Variants in GRAMD2A observed in about 807,000 individuals in gnomAD.
GRAMD2A encodes GRAM domain containing 2A.
GRAMD2A carries 37 observed loss-of-function variants against 51.1 expected under a neutral mutation model. The observed-to-expected ratio is 0.72, with a 90% confidence interval of 0.56 to 0.95. The LOEUF is 0.95. GRAMD2A is among the 40% of genes least tolerant of loss of function. The pLI, the probability that GRAMD2A is intolerant of heterozygous loss-of-function variation, is 0.00. For missense variants in GRAMD2A, 414 were observed against 426.9 expected, an observed-to-expected ratio of 0.97 and a Z score of 0.27; for synonymous variants, 136 against 157.1, an observed-to-expected ratio of 0.87 and a Z score of 1.01.
intron 1 of GRAMD2A, among the ~76,000 whole-genome samples, chr15:72,185,204 T>G (rs566020814): frequency 1.3e-5 from 2 of 151,508 alleles, no homozygotes; most frequent in East Asian, 1.9e-4. Context: ...TTTTTTTTTT[T>G]TTTTTTTGAG....
chr15:72,166,495 G>T lies in GRAMD2A; in HGVS notation c.543+137C>A. ...CCAAGTACTGTCTCTTGTACATTGA[G>T]CCTGAGCCTTTAACTCCCCTCTCCC... On this transcript the variant is annotated intron_variant, in intron 7 of 11. Coordinates refer to ENST00000309731, the MANE Select transcript of GRAMD2A (RefSeq NM_001012642.3). This position sits in a 1 kb window ranked among gnomAD's most constrained non-coding sequence, Gnocchi z 4.1. 1 of 686,058 alleles carries T rather than the reference G, an allele frequency of 1.5e-6. No individual in the cohort carries two copies. Among genetic ancestry groups the T allele is most frequent in the South Asian group, 1.6e-5 (1 of 61,462 alleles). The allele number at this position is 686,058 out of a possible 1,614,324, so 42.5% of individuals were successfully genotyped here.
intron 1 of GRAMD2A, among the ~76,000 whole-genome samples, chr15:72,186,323 A>G (rs34658339): frequency 0.013 from 2,042 of 151,318 alleles, 22 homozygotes; most frequent in East Asian, 0.028. Flanking sequence ...TTATTTATTT[A>G]TTTAATTTTT....
Position 72,161,306 on chromosome 15 carries a change from G to C in GRAMD2A, c.*703C>G, listed in dbSNP as rs1030918700. 6.6e-6 allele frequency: 1 copy of C among 152,648 alleles called. No individual in the cohort carries two copies. Among genetic ancestry groups the C allele is most frequent in the Non-Finnish European group, 1.5e-5 (1 of 68,400 alleles). 9.5% of individuals were successfully genotyped at this position (152,648 alleles called of 1,614,324 possible). A position where few individuals can be genotyped will look rare whatever the true frequency, so the allele number is the denominator to read the frequency against. ...AATTCAGGTACCTCTGTTCTTCACAGCCACTGCCACCATCTCCGCCGTGGG... is the reference window on the plus strand; with the variant it reads ...AATTCAGGTACCTCTGTTCTTCACACCCACTGCCACCATCTCCGCCGTGGG... On this transcript the variant is annotated 3_prime_UTR_variant, in exon 12 of 12. Transcript: ENST00000309731.
Position 72,165,478 on chromosome 15 carries a change from T to A in GRAMD2A, c.544-68A>T. On this transcript the variant is annotated intron_variant, in intron 7 of 11. Transcript: ENST00000309731. ...AGGCAAGGTCAGGCAGGGGGAAGCA[T>A]CAGCCCTCTCCAAGAGAGCTTTACC... The A allele has an allele frequency of 2.3e-5, 34 of 1,459,168 alleles. 1 individual carries two copies. The highest frequency in any genetic ancestry group is 3.3e-5 in the Non-Finnish European group (34 of 1,039,748). The allele number at this position is 1,459,168 out of a possible 1,614,324, so 90.4% of individuals were successfully genotyped here. A position where few individuals can be genotyped will look rare whatever the true frequency, so the allele number is the denominator to read the frequency against.
intron 1 of GRAMD2A, among the ~76,000 whole-genome samples, chr15:72,172,418 CTTT>C (rs775170780): frequency 3.3e-4 from 46 of 138,040 alleles, no homozygotes; most frequent in African/African-American, 1.1e-3. Context: ...CATGCCTAGC[CTTT>C]TTTTTTTTTT....
intron 10 of GRAMD2A, chr15:72,163,024 G>T: frequency 2.1e-6 from 1 of 477,418 alleles, no homozygotes; most frequent in Middle Eastern, 5.5e-4. Flanking sequence ...TCCATATCCT[G>T]CCCCTCTCCA....
rs372383036 is a variant in GRAMD2A, at chr15:72,169,026, A to C, written c.135-30T>G. On this transcript the variant is annotated intron_variant, in intron 2 of 11. Transcript: ENST00000309731. ...AAAGGAGACATTCCATTTCGGGAAC[A>C]AGGAACCCCAGTCCTGCCCATGCAT... 7.1e-4 allele frequency: 1,148 copies of C among 1,607,580 alleles called. 1 individual carries two copies. The highest frequency in any genetic ancestry group is 8.9e-4 in the Non-Finnish European group (1,050 of 1,174,332).
intron 1 of GRAMD2A, among the ~76,000 whole-genome samples, chr15:72,196,583 C>G (rs1419405802): frequency 3.3e-5 from 5 of 152,030 alleles, no homozygotes; most frequent in Non-Finnish European, 7.4e-5. Flanking sequence ...TAGACACCCT[C>G]TATTCTACCT....
chr15:72,185,194 T>TG (rs71133961), intron 1 of GRAMD2A, among the ~76,000 whole-genome samples: 5,864 of 141,616 alleles, frequency 0.041, 232 homozygotes, highest in Non-Finnish European at 0.058. Flanking sequence ...TTCCAGTTTT[T>TG]TTTTTTTTTT....
At position 72,166,941 on chromosome 15, in the gene GRAMD2A, G is replaced by C. The variant is rs1283631601; in HGVS notation, c.471+53C>G. The C allele has an allele frequency of 1.7e-5, 24 of 1,415,238 alleles. No homozygotes were observed. Among genetic ancestry groups the C allele is most frequent in the Non-Finnish European group, 2.2e-5 (22 of 999,310 alleles). 87.7% of individuals were successfully genotyped at this position (1,415,238 alleles called of 1,614,324 possible). On this transcript the variant is annotated intron_variant, in intron 6 of 11. Coordinates refer to ENST00000309731, the MANE Select transcript of GRAMD2A (RefSeq NM_001012642.3). The surrounding 1 kb of genome is among the most constrained non-coding windows in gnomAD (Gnocchi z 4.1). ...ATGTGCCCGAGTCAGACTGTGGGCT[G>C]TCAGGGCTGGGAGCGGGAGACTGAC...
chr15:72,185,718 T>C (rs934302048), intron 1 of GRAMD2A, among the ~76,000 whole-genome samples: 9 of 152,168 alleles, frequency 5.9e-5, no homozygotes, highest in Non-Finnish European at 1.0e-4. Flanking sequence ...CAATGGAGCA[T>C]AAGACAGTCC....
intron 1 of GRAMD2A, among the ~76,000 whole-genome samples, chr15:72,185,102 G>C (rs1044054258): frequency 3.3e-5 from 5 of 151,370 alleles, no homozygotes; most frequent in Admixed American, 3.3e-4. Context: ...AAAATCAATC[G>C]TTTTCCTGTA....
At chr15:72,171,340 A>G (rs1357409640) in intron 1 of GRAMD2A, among the ~76,000 whole-genome samples, 8 of 152,130 alleles carry the variant, frequency 5.3e-5, no homozygotes, top group Admixed American at 5.2e-4. Flanking sequence ...AATATATATA[A>G]GATCAAAATC....
At chr15:72,191,930 T>C (rs1054210774) in intron 1 of GRAMD2A, among the ~76,000 whole-genome samples, 3 of 152,240 alleles carry the variant, frequency 2.0e-5, no homozygotes, top group African/African-American at 7.2e-5. Flanking sequence ...TAAACTTCAT[T>C]TGAATCCTTA....
At chr15:72,177,110 CCTCGGCTTTCTAAAGTG>C (rs1485593793) in intron 1 of GRAMD2A, among the ~76,000 whole-genome samples, 1 of 151,772 alleles carries the variant, frequency 6.6e-6, no homozygotes, top group African/African-American at 2.4e-5. Context: ...AATTCTCCCA[CCTCGGCTTTCTAAAGTG>C]CTCGGATTAC....
rs1050268693 is a variant in GRAMD2A at position 72,170,276 on chromosome 15, G to C, written c.42-337C>G. ...AGGCCTCTAGCCCCACCCTTGAGGA[G>C]GCACACTGAGAGGGAGGACCCTGAG... On this transcript the variant is annotated intron_variant, in intron 1 of 11. Transcript: ENST00000309731. The surrounding 1 kb of genome is among the most constrained non-coding windows in gnomAD (Gnocchi z 4.5). 2 of 504,822 alleles carry C rather than the reference G, an allele frequency of 4.0e-6. No homozygotes were observed. Among genetic ancestry groups the C allele is most frequent in the Middle Eastern group, 3.0e-4 (1 of 3,358 alleles). The allele number at this position is 504,822 out of a possible 1,614,324, so 31.3% of individuals were successfully genotyped here. A position where few individuals can be genotyped will look rare whatever the true frequency, so the allele number is the denominator to read the frequency against.
At chr15:72,172,040 C>G (rs1379204086) in intron 1 of GRAMD2A, among the ~76,000 whole-genome samples, 3 of 151,844 alleles carry the variant, frequency 2.0e-5, no homozygotes, top group Non-Finnish European at 2.9e-5. Context: ...ATTGGCCAAG[C>G]TAGTCTCGAA....
chr15:72,195,812 C>T (rs558411631), intron 1 of GRAMD2A, among the ~76,000 whole-genome samples: 1 of 151,170 alleles, frequency 6.6e-6, no homozygotes, highest in African/African-American at 2.4e-5. Context: ...CCCACCTACT[C>T]GGGAGGCTGA....
At position 72,165,356 on chromosome 15, in the gene GRAMD2A, G is replaced by C; in HGVS notation, c.598C>G (p.Leu200Val). ...VREFSGEPES[L>V]EVLIPEMKWR... ...TTGCTCCCAGCTTCAGCTCTCACCA[G>C]AGACTCAGGTTCCCCTGAAAATTCT... is the stretch of plus-strand genomic sequence containing the variant. The change falls in exon 8 of 12, where the codon CTG becomes GTG. Residue 200 changes from leucine to valine, a missense_variant and splice_region_variant. Physicochemically the swap from Leu to Val is conservative, Grantham distance 32. Transcript: ENST00000309731. 1.2e-6 allele frequency: 2 copies of C among 1,613,908 alleles called. No homozygotes were observed. The highest frequency in any genetic ancestry group is 8.5e-7 in the Non-Finnish European group (1 of 1,179,838).
Sources: allele counts gnomAD v4.1 joint callset (sites outside exome capture counted in the v4.1 genomes callset), GRCh38; gene constraint gnomAD v4.1.1; non-coding constraint Gnocchi (gnomAD v3.1); transcripts MANE v1.5; gene names NCBI Gene and HGNC (gene_info 2026-07-23, HGNC 2026-07-21).